The following FEZF2 variants were observed in gnomAD, a reference collection of about 807,000 sequenced individuals.
FEZF2 encodes the protein fez family zinc finger protein 2.
Under a neutral mutation model 32.8 loss-of-function variants are expected in FEZF2, and 2 were observed. The observed-to-expected ratio is 0.06, with a 90% CI of 0.02 to 0.19. The LOEUF (loss-of-function observed/expected upper bound fraction) is 0.19, where lower values mean the gene tolerates loss of function less well. FEZF2 is among the 10% of genes least tolerant of loss of function. The probability of loss-of-function intolerance (pLI) is 1.00; values close to 1 mark genes in which losing one functional copy is unlikely to be tolerated. For synonymous variants in FEZF2, 322 were observed against 284.8 expected, an observed-to-expected ratio of 1.13 and a Z score of -1.32; for missense variants, 516 against 625.4, an observed-to-expected ratio of 0.83 and a Z score of 1.87.
At position 62,371,446 on chromosome 3, in the gene FEZF2, G is replaced by A; in HGVS notation, c.987+87C>T. 5 of 1,577,700 alleles carry A rather than the reference G, an allele frequency of 3.2e-6. No homozygotes were observed. In the Middle Eastern group the frequency reaches 6.8e-4, roughly 215 times the overall value. ...CCCCACTCAACCCTAGAGGGTAAGGGATAATCTTTGGCCATCGTATCCCCG... is the reference window on the plus strand; with the variant it reads ...CCCCACTCAACCCTAGAGGGTAAGGAATAATCTTTGGCCATCGTATCCCCG... On this transcript the variant is annotated intron_variant, in intron 3 of 4. Coordinates refer to ENST00000283268, the MANE Select transcript of FEZF2 (RefSeq NM_018008.4).
intron 2 of FEZF2, 96 bp from the exon 3 acceptor site, chr3:62,371,763 C>G (rs1179164380): frequency 1.3e-6 from 2 of 1,509,992 alleles, no homozygotes; most frequent in East Asian, 2.3e-5. Flanking sequence ...ACCAACACCC[C>G]CTTCAGAAAC....
In FEZF2 at chr3:62,370,454, G is replaced by A; in HGVS notation, c.1121-112C>T. ...GCCTGCTCAAAAAAGGCGACGCTTGGCTAGGCGGGCGCGACCTCTTCGAGT... is the reference window on the plus strand; with the variant it reads ...GCCTGCTCAAAAAAGGCGACGCTTGACTAGGCGGGCGCGACCTCTTCGAGT... On this transcript the variant is annotated intron_variant, in intron 4 of 4. Transcript: ENST00000283268. The surrounding 1 kb of genome is among the most constrained non-coding windows in gnomAD (Gnocchi z 4.2). 5.2e-6 allele frequency: 6 copies of A among 1,151,534 alleles called. No homozygotes were observed. The highest frequency in any genetic ancestry group is 7.5e-6 in the Non-Finnish European group (6 of 804,840). 71.3% of individuals were successfully genotyped at this position (1,151,534 alleles called of 1,614,324 possible). A position where few individuals can be genotyped will look rare whatever the true frequency, so the allele number is the denominator to read the frequency against.
rs2148946092 is a variant in FEZF2 at position 62,372,951 on chromosome 3, GA to G, written c.-58-26del. The G allele has an allele frequency of 7.8e-7, 1 of 1,276,798 alleles. No homozygotes were observed. The highest frequency in any genetic ancestry group is 1.0e-6 in the Non-Finnish European group (1 of 991,982). The allele number at this position is 1,276,798 out of a possible 1,614,324, so 79.1% of individuals were successfully genotyped here. Reference sequence around the variant, plus strand: ...TCTGCATTCCGGAAAAGGCAGGGGGGAAAACTGCAATTTAATAAGCACCTAG... The same window carrying G: ...TCTGCATTCCGGAAAAGGCAGGGGGGAAACTGCAATTTAATAAGCACCTAG... On this transcript the variant is annotated intron_variant, in intron 1 of 4. Transcript: ENST00000283268. The surrounding 1 kb of genome is among the most constrained non-coding windows in gnomAD (Gnocchi z 9.6).
chr3:62,370,436 C>T lies in FEZF2; in HGVS notation c.1121-94G>A. The T allele has an allele frequency of 7.3e-7, 1 of 1,365,162 alleles. No individual in the cohort carries two copies. Among genetic ancestry groups the T allele is most frequent in the Non-Finnish European group, 1.0e-6 (1 of 991,614 alleles). 84.6% of individuals were successfully genotyped at this position (1,365,162 alleles called of 1,614,324 possible). On this transcript the variant is annotated intron_variant, in intron 4 of 4. Coordinates refer to ENST00000283268, the MANE Select transcript of FEZF2 (RefSeq NM_018008.4). This position sits in a 1 kb window ranked among gnomAD's most constrained non-coding sequence, Gnocchi z 4.2. ...CCCAGGGGCAGCCCAGGTGCCTGCT[C>T]AAAAAAGGCGACGCTTGGCTAGGCG...
In FEZF2 at chr3:62,372,729, T is replaced by C; in HGVS notation, c.140A>G (p.Glu47Gly). The C allele has an allele frequency of 6.2e-7, 1 of 1,608,908 alleles. No homozygotes were observed. Among genetic ancestry groups the C allele is most frequent in the Non-Finnish European group, 8.5e-7 (1 of 1,177,666 alleles). ...AKTSEPRAPFEPRPGALEADG... is the reference protein window; with the variant it reads ...AKTSEPRAPFGPRPGALEADG... ...CGCCTCTAGCGCTCCAGGCCGGGGC[T>C]CAAAGGGCGCACGGGGCTCCGACGT... Residue 47 changes from glutamate (E) to glycine (G), a missense_variant, in exon 2 of 5, where the codon GAG (glutamate) becomes GGG (glycine). Around this residue, in one of 3 missense-constraint regions of FEZF2, gnomAD observed 408 missense variants for 382.2 expected, o/e 1.07. Transcript: ENST00000283268. This position sits in a 1 kb window ranked among gnomAD's most constrained non-coding sequence, Gnocchi z 9.6.
intron 3 of FEZF2, 41 bp downstream of exon 3, chr3:62,371,492 G>C (rs753002518): frequency 1.3e-6 from 2 of 1,592,354 alleles, no homozygotes; most frequent in Admixed American, 1.7e-5. Flanking sequence ...TAAGATTCTG[G>C]GGGTTGCGCG....
chr3:62,372,197 G>T lies in FEZF2; in HGVS notation c.672C>A (p.Asp224Glu), dbSNP rs775637084. The T allele has an allele frequency of 6.3e-7, 1 of 1,578,404 alleles. No individual in the cohort carries two copies. The change falls in exon 2 of 5, where the codon GAC becomes GAA. Residue 224 changes from aspartate to glutamate, a missense_variant. Physicochemically the swap from Asp to Glu is conservative, Grantham distance 45. Around this residue, in one of 3 missense-constraint regions of FEZF2, gnomAD observed 408 missense variants for 382.2 expected, o/e 1.07. Coordinates refer to ENST00000283268, the MANE Select transcript of FEZF2 (RefSeq NM_018008.4). The surrounding 1 kb of genome is among the most constrained non-coding windows in gnomAD (Gnocchi z 9.6). The stretch of plus-strand genomic sequence containing the variant: ...GATAGGGAGCCGGGTGGGGGAACTT[G>T]TCCGCAGCCAGGCCGGCCAGCTTGG... ...ENAKLAGLAA[D>E]KFPHPAPYPH... is the part of the protein sequence containing the mutation.
rs768554364 is a variant in FEZF2 at position 62,370,116 on chromosome 3, G to T, written c.1347C>A (p.Ser449=). Reference sequence around the variant, plus strand: ...GCACTGTCCTAGTCAGGTCCTTTGCGGAGGGGGCAGCAGGGCCCACGCTGT... The same window carrying T: ...GCACTGTCCTAGTCAGGTCCTTTGCTGAGGGGGCAGCAGGGCCCACGCTGT... ...LHDSVGPAAP[S]AKDLTRTVQS Residue 449 remains serine, a synonymous_variant, in exon 5 of 5, where the codon TCC becomes TCA. Transcript: ENST00000283268. This position sits in a 1 kb window ranked among gnomAD's most constrained non-coding sequence, Gnocchi z 4.2. 1.9e-6 allele frequency: 3 copies of T among 1,614,200 alleles called. No homozygotes were observed. Among genetic ancestry groups the T allele is most frequent in the Non-Finnish European group, 2.5e-6 (3 of 1,180,042 alleles).
Position 62,372,801 on chromosome 3 carries a change from G to T in FEZF2, c.68C>A (p.Ala23Asp). ...GGAAAAGGCCAGTGTCTTGGAAGTG[G>T]CCGGCGACGCTCCGGCGCGCGGGCA... ...PACPRAGASP[A>D]TSKTLAFSIE... The change falls in exon 2 of 5, where the codon GCC becomes GAC. Residue 23 changes from alanine (A) to aspartate (D), a missense_variant. Transcript: ENST00000283268. This position sits in a 1 kb window ranked among gnomAD's most constrained non-coding sequence, Gnocchi z 9.6. 1 of 1,555,962 alleles carries T rather than the reference G, an allele frequency of 6.4e-7. No individual in the cohort carries two copies. The highest frequency in any genetic ancestry group is 8.7e-7 in the Non-Finnish European group (1 of 1,147,808).
Position 62,369,899 on chromosome 3 carries a change from G to T in FEZF2, c.*184C>A, listed in dbSNP as rs1039180837. ...AAGTTTCCTGAATATACAAAGGTGGGGGCCACGAGTTTGCTGCCAGTCATC... is the reference window on the plus strand; with the variant it reads ...AAGTTTCCTGAATATACAAAGGTGGTGGCCACGAGTTTGCTGCCAGTCATC... On this transcript the variant is annotated 3_prime_UTR_variant, in exon 5 of 5. Transcript: ENST00000283268. This position sits in a 1 kb window ranked among gnomAD's most constrained non-coding sequence, Gnocchi z 4.2. The T allele has an allele frequency of 3.0e-6, 2 of 664,518 alleles. No individual in the cohort carries two copies. The highest frequency in any genetic ancestry group is 4.8e-6 in the Non-Finnish European group (2 of 413,116). 41.2% of individuals were successfully genotyped at this position (664,518 alleles called of 1,614,324 possible).
chr3:62,371,758 C>T, intron 2 of FEZF2, 91 bp from the exon 3 acceptor site: 1 of 1,520,200 alleles, frequency 6.6e-7, no homozygotes, highest in Non-Finnish European at 8.8e-7. Flanking sequence ...CCCCAACCAA[C>T]ACCCCCTTCA....
In FEZF2 at chr3:62,372,404, C is replaced by A. The variant is rs375770763; in HGVS notation, c.465G>T (p.Gln155His). 1.2e-6 allele frequency: 2 copies of A among 1,611,450 alleles called. No homozygotes were observed. Among genetic ancestry groups the A allele is most frequent in the Non-Finnish European group, 1.7e-6 (2 of 1,179,676 alleles). Reference protein sequence around the residue: ...ALPAGRVIKPQVINQAVGLPA... With the variant: ...ALPAGRVIKPHVINQAVGLPA... ...GCAGCCCCACAGCCTGGTTGATGAC[C>A]TGCGGCTTGATGACCCTGCCCGCGG... Residue 155 changes from glutamine to histidine, a missense_variant, in exon 2 of 5, where the codon CAG becomes CAT. Gln to His is a conservative substitution (Grantham distance 24). Coordinates refer to ENST00000283268, the MANE Select transcript of FEZF2 (RefSeq NM_018008.4). This position sits in a 1 kb window ranked among gnomAD's most constrained non-coding sequence, Gnocchi z 9.6.
chr3:62,370,433 G>A lies in FEZF2; in HGVS notation c.1121-91C>T. 2 of 1,403,610 alleles carry A rather than the reference G, an allele frequency of 1.4e-6. No individual in the cohort carries two copies. Among genetic ancestry groups the A allele is most frequent in the East Asian group, 2.3e-5 (1 of 43,566 alleles). The allele number at this position is 1,403,610 out of a possible 1,614,324, so 86.9% of individuals were successfully genotyped here. A position where few individuals can be genotyped will look rare whatever the true frequency, so the allele number is the denominator to read the frequency against. ...CGTCCCAGGGGCAGCCCAGGTGCCT[G>A]CTCAAAAAAGGCGACGCTTGGCTAG... On this transcript the variant is annotated intron_variant, in intron 4 of 4. Transcript: ENST00000283268. The surrounding 1 kb of genome is among the most constrained non-coding windows in gnomAD (Gnocchi z 4.2).
rs751084158 is a variant in FEZF2 at position 62,370,075 on chromosome 3, A to T, written c.*8T>A. On this transcript the variant is annotated 3_prime_UTR_variant, in exon 5 of 5. Transcript: ENST00000283268. This position sits in a 1 kb window ranked among gnomAD's most constrained non-coding sequence, Gnocchi z 4.2. ...ACAGGGAGGGAAGGAAGGGCAAGGC[A>T]GTAGCTCTCAGCTCTGCACTGTCCT... 6.2e-6 allele frequency: 10 copies of T among 1,612,756 alleles called. No homozygotes were observed. Among genetic ancestry groups the T allele is most frequent in the Non-Finnish European group, 6.8e-6 (8 of 1,178,904 alleles).
chr3:62,370,069 C>T lies in FEZF2; in HGVS notation c.*14G>A, dbSNP rs1306462479. 3.1e-6 allele frequency: 5 copies of T among 1,611,808 alleles called. No homozygotes were observed. In the Admixed American group the frequency reaches 8.3e-5, roughly 27 times the overall value. On this transcript the variant is annotated 3_prime_UTR_variant, in exon 5 of 5. Coordinates refer to ENST00000283268, the MANE Select transcript of FEZF2 (RefSeq NM_018008.4). This position sits in a 1 kb window ranked among gnomAD's most constrained non-coding sequence, Gnocchi z 4.2. ...GGTGGTACAGGGAGGGAAGGAAGGG[C>T]AAGGCAGTAGCTCTCAGCTCTGCAC...
chr3:62,371,103 C>T, intron 4 of FEZF2, 114 bp downstream of exon 4: 8 of 1,488,164 alleles, frequency 5.4e-6, no homozygotes, highest in East Asian at 4.5e-5. Context: ...ATGCTGCGCC[C>T]GCGCCTGCAG....
chr3:62,372,353 G>A lies in FEZF2; in HGVS notation c.516C>T (p.Phe172=). The change falls in exon 2 of 5, where the codon TTC becomes TTT. Residue 172 remains phenylalanine, a synonymous_variant. Transcript: ENST00000283268. The surrounding 1 kb of genome is among the most constrained non-coding windows in gnomAD (Gnocchi z 9.6). The part of the protein sequence containing the change: ...GLPASGSLYY[F]NYLDSTAYPP... ...GGTACGCGGTCGAGTCCAGGTAGTT[G>A]AAGTAGTAGAGCGAGCCGCTGGCCG... 6.2e-7 allele frequency: 1 copy of A among 1,610,480 alleles called. No homozygotes were observed.
rs572154002 is a variant in FEZF2 at position 62,370,464 on chromosome 3, C to A, written c.1121-122G>T. 3 of 1,025,132 alleles carry A rather than the reference C, an allele frequency of 2.9e-6. No individual in the cohort carries two copies. Among genetic ancestry groups the A allele is most frequent in the Non-Finnish European group, 4.3e-6 (3 of 692,790 alleles). 63.5% of individuals were successfully genotyped at this position (1,025,132 alleles called of 1,614,324 possible). ...AAAAGGCGACGCTTGGCTAGGCGGG[C>A]GCGACCTCTTCGAGTGAAGAAGTTG... On this transcript the variant is annotated intron_variant, in intron 4 of 4. Transcript: ENST00000283268. This position sits in a 1 kb window ranked among gnomAD's most constrained non-coding sequence, Gnocchi z 4.2.
chr3:62,372,995 A>G lies in FEZF2; in HGVS notation c.-58-69T>C. ...GCACCTAGTCGGGCCCGGGTCACCC[A>G]TTTGCATTCAAATGAACAGGGGCAA... On this transcript the variant is annotated intron_variant, in intron 1 of 4. Coordinates refer to ENST00000283268, the MANE Select transcript of FEZF2 (RefSeq NM_018008.4). This position sits in a 1 kb window ranked among gnomAD's most constrained non-coding sequence, Gnocchi z 9.6. 1 of 936,170 alleles carries G rather than the reference A, an allele frequency of 1.1e-6. No individual in the cohort carries two copies. The allele number at this position is 936,170 out of a possible 1,614,324, so 58.0% of individuals were successfully genotyped here. A position where few individuals can be genotyped will look rare whatever the true frequency, so the allele number is the denominator to read the frequency against.
Sources: allele counts gnomAD v4.1 joint callset, GRCh38; gene constraint gnomAD v4.1.1; regional missense constraint gnomAD v4.1.1; non-coding constraint Gnocchi (gnomAD v3.1); transcripts MANE v1.5; gene names NCBI Gene and HGNC (gene_info 2026-07-23, HGNC 2026-07-21).